The following TBC1D22A variants were observed in gnomAD, a reference collection of about 807,000 sequenced individuals.
TBC1D22A encodes the protein putative GTPase activator.
TBC1D22A carries 38 observed loss-of-function variants against 60.2 expected under a neutral mutation model. The ratio of observed to expected loss-of-function variants is 0.63; its 90% CI spans 0.49 to 0.83. The LOEUF is 0.83. TBC1D22A is among the 40% of genes least tolerant of loss of function. TBC1D22A has a pLI of 0.00. For missense variants in TBC1D22A, 628 were observed against 701.0 expected (o/e 0.90, Z 1.18); for synonymous variants, 302 against 281.7 (o/e 1.07, Z -0.72).
chr22:47,045,103 T>G (rs2062986230), intron 11 of TBC1D22A, among the ~76,000 whole-genome samples: 1 of 152,244 alleles, frequency 6.6e-6, no homozygotes. Context: ...GAGTTGTGCT[T>G]GGAGCAAGAA....
chr22:47,109,797 A>G (rs2065780742), intron 11 of TBC1D22A, among the ~76,000 whole-genome samples: 1 of 151,782 alleles, frequency 6.6e-6, no homozygotes, highest in Admixed American at 6.6e-5. Flanking sequence ...TTTTCTGCAC[A>G]ACCTTCAAAA....
chr22:46,796,756 C>CGGGT (rs2084672312), intron 3 of TBC1D22A, among the ~76,000 whole-genome samples: 1 of 144,908 alleles, frequency 6.9e-6, no homozygotes, highest in Non-Finnish European at 1.5e-5. Context: ...GGAGGGCGGG[C>CGGGT]AGCTTGTACT....
intron 11 of TBC1D22A, among the ~76,000 whole-genome samples, chr22:47,107,707 T>G (rs367650775): frequency 1.3e-5 from 2 of 152,278 alleles, no homozygotes; most frequent in East Asian, 3.9e-4. Flanking sequence ...GTTCTAAAAC[T>G]TACACAGAAA....
chr22:46,848,492 T>C (rs2087122240), intron 4 of TBC1D22A, among the ~76,000 whole-genome samples: 1 of 152,174 alleles, frequency 6.6e-6, no homozygotes, highest in Non-Finnish European at 1.5e-5. Context: ...GAGCAGCCTG[T>C]ATGGTTCTCT....
chr22:46,894,658 T>A, intron 6 of TBC1D22A, 126 bp from the exon 7 acceptor site: 2 of 1,110,712 alleles, frequency 1.8e-6, no homozygotes, highest in Non-Finnish European at 2.7e-6. Context: ...AGAACGAGAA[T>A]CCTCAAGGAG....
At chr22:46,991,175 A>T (rs1490117907) in intron 9 of TBC1D22A, among the ~76,000 whole-genome samples, 2 of 152,182 alleles carry the variant, frequency 1.3e-5, no homozygotes, top group Non-Finnish European at 2.9e-5. Flanking sequence ...AACACAGAAG[A>T]TCAGAGAAAT....
chr22:46,838,907 C>T lies in TBC1D22A; in HGVS notation c.638-39746C>T, dbSNP rs76773724. 5.9e-3 allele frequency among the ~76,000 whole-genome samples: 903 copies of T among 152,226 alleles called. 33 individuals are homozygous for T. In the East Asian group the frequency reaches 0.081, roughly 14 times the overall value. On this transcript the variant is annotated intron_variant, in intron 4 of 12. Transcript: ENST00000337137. ...CAGGTATAGAAGGAATGTACATCAA[C>T]ATAAAAAGGCCGTATATGACAATCC... is the stretch of plus-strand genomic sequence containing the variant.
chr22:46,793,691 A>G lies in TBC1D22A; in HGVS notation c.310A>G (p.Asn104Asp), dbSNP rs1299605071. Residue 104 changes from asparagine to aspartate, a missense_variant, in exon 3 of 13, where the codon AAC becomes GAC. By Grantham distance (23) the Asn-to-Asp change is conservative. Coordinates refer to ENST00000337137, the MANE Select transcript of TBC1D22A (RefSeq NM_014346.5). ...VMETANRVLR[N>D]HSQRQGRPTL... ...GGAGACGGCCAACCGTGTGCTGCGT[A>G]ACCACAGCCAGCGGCAGGGGCGGCC... 1.5e-5 allele frequency: 24 copies of G among 1,612,658 alleles called. No individual in the cohort carries two copies. Among genetic ancestry groups the G allele is most frequent in the African/African-American group, 2.7e-5 (2 of 74,924 alleles).
intron 11 of TBC1D22A, among the ~76,000 whole-genome samples, chr22:47,102,479 C>T (rs1173756912): frequency 6.6e-6 from 1 of 152,206 alleles, no homozygotes; most frequent in Non-Finnish European, 1.5e-5. Context: ...CCTGTTTTCC[C>T]ACTGAGTGCT....
intron 12 of TBC1D22A, among the ~76,000 whole-genome samples, chr22:47,136,343 A>G (rs2147129413): frequency 6.6e-6 from 1 of 152,188 alleles, no homozygotes. Context: ...TCTCCCCCCA[A>G]CCTCAAGATC....
chr22:47,083,037 A>G (rs1357449319), intron 11 of TBC1D22A, among the ~76,000 whole-genome samples: 1 of 152,244 alleles, frequency 6.6e-6, no homozygotes, highest in East Asian at 1.9e-4. Context: ...TCTCAGAAAC[A>G]TTTTAACCAG....
intron 4 of TBC1D22A, among the ~76,000 whole-genome samples, chr22:46,815,971 GC>G (rs1286541182): frequency 1.3e-5 from 2 of 152,222 alleles, no homozygotes; most frequent in African/African-American, 4.8e-5. Flanking sequence ...TCCCACTGCA[GC>G]CTTGGGGAGG....
intron 3 of TBC1D22A, among the ~76,000 whole-genome samples, chr22:46,796,894 C>T (rs1447627719): frequency 6.6e-6 from 1 of 152,192 alleles, no homozygotes; most frequent in Non-Finnish European, 1.5e-5. Context: ...CTGGTGAGAC[C>T]CAGGAGGGCC....
rs150223066 is a variant in TBC1D22A, at chr22:46,875,538, G to A, written c.638-3115G>A. ...GTGATCTCGGCTCACTGCAGCCTCC[G>A]CCTCCCAGGTTCAAGTGATTCTCCT... On this transcript the variant is annotated intron_variant, in intron 4 of 12. Transcript: ENST00000337137. Among the ~76,000 whole-genome samples, 746 of 151,482 alleles carry A rather than the reference G, an allele frequency of 4.9e-3. 12 individuals carry two copies. The highest frequency in any genetic ancestry group is 0.017 in the African/African-American group (717 of 41,236).
chr22:47,101,748 G>A lies in TBC1D22A; in HGVS notation c.1330-9760G>A, dbSNP rs187634059. ...GACAGTGGGGGCACCGAGTTAGGTG[G>A]ATGGGGCCTCATATGCCTTGAGGGG... On this transcript the variant is annotated intron_variant, in intron 11 of 12. Transcript: ENST00000337137. 3.8e-3 allele frequency among the ~76,000 whole-genome samples: 576 copies of A among 152,308 alleles called. 1 individual carries two copies. Among genetic ancestry groups the A allele is most frequent in the Middle Eastern group, 0.031 (9 of 294 alleles).
At chr22:46,808,793 A>G (rs995014978) in intron 4 of TBC1D22A, among the ~76,000 whole-genome samples, 1 of 152,142 alleles carries the variant, frequency 6.6e-6, no homozygotes, top group African/African-American at 2.4e-5. Context: ...ACGGGGTTTC[A>G]CCGTGTTAGC....
At chr22:47,002,807 C>CTTAA (rs1306759740) in intron 10 of TBC1D22A, among the ~76,000 whole-genome samples, 1 of 152,128 alleles carries the variant, frequency 6.6e-6, no homozygotes, top group Non-Finnish European at 1.5e-5. Flanking sequence ...TCTGAGGGGA[C>CTTAA]TTAAGGCTGG....
chr22:47,005,597 A>ACG (rs376930581), intron 10 of TBC1D22A, among the ~76,000 whole-genome samples: 1 of 138,610 alleles, frequency 7.2e-6, no homozygotes, highest in African/African-American at 3.1e-5. Context: ...ATACACACAC[A>ACG]CACCTCTGTA....
At chr22:47,138,685 T>A (rs1372266427) in intron 12 of TBC1D22A, among the ~76,000 whole-genome samples, 1 of 152,170 alleles carries the variant, frequency 6.6e-6, no homozygotes, top group Non-Finnish European at 1.5e-5. Flanking sequence ...TATAACAAAA[T>A]AGCATAGATG....
Sources: gnomAD v4.1 joint callset for allele counts (sites outside exome capture counted in the v4.1 genomes callset) on GRCh38, gnomAD v4.1.1 for gene constraint, MANE v1.5 for transcripts, NCBI Gene and HGNC (gene_info 2026-07-23, HGNC 2026-07-21) for gene names.